The following ADCY3 variants were observed in gnomAD, a reference collection of about 807,000 sequenced individuals.
The protein encoded by ADCY3 is adenylate cyclase 3, also known as adenylate cyclase type 3.
Under a neutral mutation model 119.4 loss-of-function variants are expected in ADCY3, and 70 were observed. That is an observed-to-expected ratio of 0.59 (90% CI 0.48 to 0.72). The LOEUF (loss-of-function observed/expected upper bound fraction) is 0.72, where lower values mean the gene tolerates loss of function less well. Ranked by LOEUF, ADCY3 falls within the 30% of genes least tolerant of loss-of-function variation. The pLI, the probability that ADCY3 is intolerant of heterozygous loss-of-function variation, is 0.00. For missense variants in ADCY3, 1,238 were observed against 1,541.6 expected (o/e 0.80, Z 3.30); for synonymous variants, 672 against 621.4 (o/e 1.08, Z -1.21).
intron 2 of ADCY3, among the ~76,000 whole-genome samples, chr2:24,873,181 A>G (rs1440462883): frequency 1.8e-4 from 28 of 152,226 alleles, no homozygotes; most frequent in Admixed American, 1.8e-3. Flanking sequence ...GGTCCCACTG[A>G]GCAGGACTGT....
chr2:24,831,809 G>A, intron 11 of ADCY3, 60 bp from the exon 12 acceptor site: 5 of 1,198,976 alleles, frequency 4.2e-6, no homozygotes, highest in Non-Finnish European at 6.0e-6. Flanking sequence ...GGGGTGAGGG[G>A]CTAGGAGAGG....
At chr2:24,912,557 G>GTGTGTGTGTGCA (rs1171391044) in intron 2 of ADCY3, among the ~76,000 whole-genome samples, 1 of 80,092 alleles carries the variant, frequency 1.2e-5, no homozygotes, top group Admixed American at 1.0e-4. Context: ...ACGCATGTGT[G>GTGTGTGTGTGCA]TGTGTGTGTG....
rs912837147 is a variant in ADCY3 at position 24,865,497 on chromosome 2, G to C, written c.825+7073C>G. On this transcript the variant is annotated intron_variant, in intron 3 of 21. Transcript: ENST00000679454. Reference sequence around the variant, plus strand: ...AGTGAATAGGCTATCATCTGTGTGTGTGTGTGTGTGTGTGTGTGTGTGTGT... The same window carrying C: ...AGTGAATAGGCTATCATCTGTGTGTCTGTGTGTGTGTGTGTGTGTGTGTGT... Among the ~76,000 whole-genome samples, 725 of 123,194 alleles carry C rather than the reference G, an allele frequency of 5.9e-3. 1 individual carries two copies. Among genetic ancestry groups the C allele is most frequent in the African/African-American group, 0.023 (447 of 19,470 alleles). 80.8% of individuals were successfully genotyped at this position (123,194 alleles called of 152,430 possible). A position where few individuals can be genotyped will look rare whatever the true frequency, so the allele number is the denominator to read the frequency against.
At chr2:24,912,984 G>A (rs558432260) in intron 2 of ADCY3, among the ~76,000 whole-genome samples, 1 of 152,336 alleles carries the variant, frequency 6.6e-6, no homozygotes, top group African/African-American at 2.4e-5. Flanking sequence ...TGGCCCTGCA[G>A]TCCCCTTCTA....
intron 15 of ADCY3, 53 bp downstream of exon 15, chr2:24,827,491 GTC>G: frequency 2.6e-6 from 4 of 1,542,228 alleles, no homozygotes; most frequent in Non-Finnish European, 3.5e-6. Context: ...TTATATTCCT[GTC>G]TCTAGAAGAA....
At chr2:24,902,124 A>C (rs1343878359) in intron 2 of ADCY3, among the ~76,000 whole-genome samples, 2 of 131,514 alleles carry the variant, frequency 1.5e-5, no homozygotes, top group Non-Finnish European at 3.1e-5. Flanking sequence ...TCTGTTACCC[A>C]GGTTGGAGTG....
rs1380857443 is a variant in ADCY3, at chr2:24,821,650, G to A, written c.3004-10C>T. 1 of 1,613,654 alleles carries A rather than the reference G, an allele frequency of 6.2e-7. No homozygotes were observed. The highest frequency in any genetic ancestry group is 2.2e-5 in the East Asian group (1 of 44,882). On this transcript the variant is annotated splice_polypyrimidine_tract_variant and intron_variant, in intron 19 of 21. Transcript: ENST00000679454. ...TCTCGGACTTGTCTTCCTGTGCCAG[G>A]GGACCGTGGAGAAAGTGTCAGGGGC...
intron 2 of ADCY3, among the ~76,000 whole-genome samples, chr2:24,895,151 T>C (rs35033157): frequency 0.47 from 70,929 of 151,846 alleles, 19,556 homozygotes; most frequent in African/African-American, 0.78. Flanking sequence ...AGTGCAGTGG[T>C]GCAATCTCGG....
intron 3 of ADCY3, among the ~76,000 whole-genome samples, chr2:24,865,162 T>C (rs6759469): frequency 0.024 from 3,652 of 152,210 alleles, 152 homozygotes; most frequent in African/African-American, 0.082. Context: ...CTCTCTAAGA[T>C]AGTAGGTGAA....
chr2:24,897,828 C>T (rs891346612), intron 2 of ADCY3, among the ~76,000 whole-genome samples: 10 of 152,260 alleles, frequency 6.6e-5, no homozygotes, highest in African/African-American at 1.2e-4. Context: ...ATACCCGCTT[C>T]GGTGGCTCAG....
chr2:24,906,779 A>C (rs6725689), intron 2 of ADCY3, among the ~76,000 whole-genome samples: 6,061 of 152,334 alleles, frequency 0.04, 376 homozygotes, highest in African/African-American at 0.14. Context: ...AGAAGGTGGG[A>C]AGGTCCACCT....
rs1293691508 is a variant in ADCY3, at chr2:24,919,775, G to A, written c.-290C>T. On this transcript the variant is annotated 5_prime_UTR_variant, in exon 1 of 22. Transcript: ENST00000679454. The surrounding 1 kb of genome is among the most constrained non-coding windows in gnomAD (Gnocchi z 5.5). The stretch of plus-strand genomic sequence containing the variant: ...GCGCGCCCGAGGGCTGCTCCCCGCA[G>A]AGCCGCGCCGCCCCGGCAGCGCCTC... 2 of 151,448 alleles carry A rather than the reference G, an allele frequency of 1.3e-5. No homozygotes were observed. The highest frequency in any genetic ancestry group is 6.6e-5 in the Admixed American group (1 of 15,210). The allele number at this position is 151,448 out of a possible 1,614,324, so 9.4% of individuals were successfully genotyped here.
chr2:24,904,929 A>G (rs985969303), intron 2 of ADCY3, among the ~76,000 whole-genome samples: 9 of 151,714 alleles, frequency 5.9e-5, no homozygotes, highest in Non-Finnish European at 1.0e-4. Context: ...ATGTGAGCCA[A>G]TGCGACTGGT....
chr2:24,918,488 T>C lies in ADCY3; in HGVS notation c.500A>G (p.Asp167Gly), dbSNP rs1173124792. 2.2e-5 allele frequency: 35 copies of C among 1,613,966 alleles called. No homozygotes were observed. The highest frequency in any genetic ancestry group is 2.8e-5 in the Non-Finnish European group (33 of 1,179,986). The change falls in exon 2 of 22, where the codon GAC (aspartate) becomes GGC (glycine). Residue 167 changes from aspartate to glycine, a missense_variant. Coordinates refer to ENST00000679454, the MANE Select transcript of ADCY3 (RefSeq NM_004036.5). The surrounding 1 kb of genome is among the most constrained non-coding windows in gnomAD (Gnocchi z 5.4). The part of the protein sequence containing the change: ...LNFARAHAAS[D>G]TVGWQVFFVF... ...AAAGAAGACCTGCCAGCCCACCGTGTCACTAGCCGCGTGGGCACGCGCGAA... is the reference window on the plus strand; with the variant it reads ...AAAGAAGACCTGCCAGCCCACCGTGCCACTAGCCGCGTGGGCACGCGCGAA...
chr2:24,824,327 C>T, intron 17 of ADCY3, 51 bp downstream of exon 17: 1 of 1,595,754 alleles, frequency 6.3e-7, no homozygotes, highest in Non-Finnish European at 8.6e-7. Flanking sequence ...AAAGAAAGAA[C>T]AGATGGAGAC....
In ADCY3 at chr2:24,899,403, G is replaced by A. The variant is rs945297081; in HGVS notation, c.675+18910C>T. 5.3e-5 allele frequency among the ~76,000 whole-genome samples: 8 copies of A among 152,166 alleles called. No homozygotes were observed. The highest frequency in any genetic ancestry group is 4.6e-4 in the Admixed American group (7 of 15,276). On this transcript the variant is annotated intron_variant, in intron 2 of 21. Transcript: ENST00000679454. The surrounding 1 kb of genome is among the most constrained non-coding windows in gnomAD (Gnocchi z 4.5). ...TGTCTAAGAGCGGGACCTCACTCTC[G>A]GCTGGAATGCTGCTGTCACCCCAGC...
intron 2 of ADCY3, among the ~76,000 whole-genome samples, chr2:24,881,721 T>C (rs778579371): frequency 6.6e-6 from 1 of 152,232 alleles, no homozygotes; most frequent in Non-Finnish European, 1.5e-5. Flanking sequence ...CACTGAAGTG[T>C]TCCCCCTTGA....
In ADCY3 at chr2:24,820,071, C is replaced by T. The variant is rs775633915; in HGVS notation, c.3296G>A (p.Arg1099His). The change falls in exon 22 of 22, where the codon CGC becomes CAC. Residue 1099 changes from arginine to histidine, a missense_variant. By Grantham distance (29) the Arg-to-His change is conservative (BLOSUM62 0). Transcript: ENST00000679454. ...TQVILREYGFRFVRRGPIFVK... is the reference protein window; with the variant it reads ...TQVILREYGFHFVRRGPIFVK... ...AAAGATGGGGCCTCGCCTCACAAAG[C>T]GGAAGCCGTACTCTCGGAGGATGAC... The T allele has an allele frequency of 2.0e-5, 31 of 1,573,240 alleles. No individual in the cohort carries two copies. In the Admixed American group the frequency reaches 2.6e-4, roughly 13 times the overall value.
intron 2 of ADCY3, among the ~76,000 whole-genome samples, chr2:24,913,153 C>T (rs1352175377): frequency 6.6e-6 from 1 of 152,184 alleles, no homozygotes; most frequent in Non-Finnish European, 1.5e-5. Flanking sequence ...TGCTCTGTGT[C>T]CTGCACACCT....
Sources: gnomAD v4.1 joint callset for allele counts (sites outside exome capture counted in the v4.1 genomes callset) on GRCh38, gnomAD v4.1.1 for gene constraint, Gnocchi (gnomAD v3.1) non-coding constraint, MANE v1.5 for transcripts, NCBI Gene and HGNC (gene_info 2026-07-23, HGNC 2026-07-21) for gene names.